The following ZFAND3 variants were observed in gnomAD, a reference collection of about 807,000 sequenced individuals.
ZFAND3 encodes the protein AN1-type zinc finger protein 3.
ZFAND3 carries 10 observed loss-of-function variants against 29.6 expected under a neutral mutation model. The ratio of observed to expected loss-of-function variants is 0.34; its 90% CI spans 0.21 to 0.57. The LOEUF (loss-of-function observed/expected upper bound fraction) is 0.57, where lower values mean the gene tolerates loss of function less well. Ranked by LOEUF, ZFAND3 falls within the 20% of genes least tolerant of loss-of-function variation. ZFAND3 has a pLI of 0.86. For missense variants in ZFAND3, 230 were observed against 304.5 expected, an observed-to-expected ratio of 0.76 and a Z score of 1.82; for synonymous variants, 128 against 112.6, an observed-to-expected ratio of 1.14 and a Z score of -0.87.
intron 1 of ZFAND3, among the ~76,000 whole-genome samples, chr6:37,890,322 TACATGAGTG>T (rs563605460): frequency 1.2e-3 from 187 of 152,304 alleles, no homozygotes; most frequent in Admixed American, 2.2e-3. Context: ...TTGAGATGCT[TACATGAGTG>T]ATCCCCGATT....
chr6:38,007,238 G>A (rs892904725), intron 2 of ZFAND3, among the ~76,000 whole-genome samples: 2 of 152,072 alleles, frequency 1.3e-5, no homozygotes, highest in Non-Finnish European at 2.9e-5. Flanking sequence ...TTCATCACTG[G>A]CTGGATGCTT....
intron 5 of ZFAND3, among the ~76,000 whole-genome samples, chr6:38,136,326 C>T (rs958845189): frequency 8.5e-5 from 13 of 152,176 alleles, no homozygotes; most frequent in African/African-American, 2.4e-4. Flanking sequence ...CTTCCTTGTT[C>T]GTGATCACAG....
chr6:37,825,181 T>G (rs1763736055), intron 1 of ZFAND3, among the ~76,000 whole-genome samples: 1 of 152,184 alleles, frequency 6.6e-6, no homozygotes, highest in African/African-American at 2.4e-5. Context: ...GTCTCCCAAT[T>G]GTAACATGTT....
intron 3 of ZFAND3, among the ~76,000 whole-genome samples, chr6:38,072,152 C>G (rs537132935): frequency 1.8e-4 from 28 of 151,942 alleles, no homozygotes; most frequent in Non-Finnish European, 3.4e-4. Context: ...CTCTCTCTCT[C>G]TCTCTCTCTG....
intron 4 of ZFAND3, among the ~76,000 whole-genome samples, chr6:38,103,374 AAT>A (rs1554181148): frequency 6.8e-6 from 1 of 146,990 alleles, no homozygotes; most frequent in Non-Finnish European, 1.5e-5. Flanking sequence ...ATATACACAC[AAT>A]ATATATATAC....
intron 2 of ZFAND3, among the ~76,000 whole-genome samples, chr6:37,991,998 A>G (rs544700088): frequency 6.6e-6 from 1 of 152,326 alleles, no homozygotes; most frequent in African/African-American, 2.4e-5. Flanking sequence ...ATGTTTGGTA[A>G]TACCTTTAAA....
intron 3 of ZFAND3, among the ~76,000 whole-genome samples, chr6:38,070,992 G>A (rs1009584876): frequency 1.3e-4 from 19 of 151,460 alleles, no homozygotes; most frequent in African/African-American, 4.4e-4. Flanking sequence ...CCAGTGATTT[G>A]CCTATCAGTG....
At chr6:38,118,454 G>A (rs543859146) in intron 5 of ZFAND3, among the ~76,000 whole-genome samples, 6 of 152,204 alleles carry the variant, frequency 3.9e-5, no homozygotes, top group Non-Finnish European at 5.9e-5. Context: ...CTTTTGTAAC[G>A]TAGGCTTTTG....
chr6:38,090,367 C>T (rs1399897630), intron 4 of ZFAND3, among the ~76,000 whole-genome samples: 2 of 151,990 alleles, frequency 1.3e-5, no homozygotes, highest in Non-Finnish European at 2.9e-5. Context: ...TTAATGTAAC[C>T]ATTGAAGAAA....
At chr6:37,836,317 C>T (rs1763967506) in intron 1 of ZFAND3, among the ~76,000 whole-genome samples, 1 of 151,792 alleles carries the variant, frequency 6.6e-6, no homozygotes, top group South Asian at 2.1e-4. Flanking sequence ...TCTTTTGAGA[C>T]CCAGTGGTAT....
intron 2 of ZFAND3, among the ~76,000 whole-genome samples, chr6:37,984,342 T>C (rs1409719830): frequency 1.3e-5 from 2 of 152,178 alleles, no homozygotes; most frequent in African/African-American, 4.8e-5. Flanking sequence ...TGTTAAGAGC[T>C]TTAAAGGTAA....
At chr6:38,123,038 A>G (rs1765564157) in intron 5 of ZFAND3, among the ~76,000 whole-genome samples, 1 of 152,242 alleles carries the variant, frequency 6.6e-6, no homozygotes, top group African/African-American at 2.4e-5. Context: ...ATGTTCGTTT[A>G]TAGTGAGAAG....
At chr6:38,000,524 CAA>C (rs1345448706) in intron 2 of ZFAND3, among the ~76,000 whole-genome samples, 1 of 152,076 alleles carries the variant, frequency 6.6e-6, no homozygotes, top group African/African-American at 2.4e-5. Context: ...TGGTGGCAGG[CAA>C]GAGAGCTCGT....
intron 2 of ZFAND3, among the ~76,000 whole-genome samples, chr6:37,985,527 A>ACACACCCCCC (rs753070737): frequency 2.1e-3 from 300 of 141,712 alleles, no homozygotes; most frequent in Non-Finnish European, 3.4e-3. Context: ...ACACACACAC[A>ACACACCCCCC]CCCCCACACA....
At chr6:37,996,812 A>G (rs1762857025) in intron 2 of ZFAND3, among the ~76,000 whole-genome samples, 1 of 152,128 alleles carries the variant, frequency 6.6e-6, no homozygotes, top group Non-Finnish European at 1.5e-5. Flanking sequence ...GACATTTCCC[A>G]TGTTTCTATT....
At chr6:38,048,458 A>G (rs1033013196) in intron 2 of ZFAND3, among the ~76,000 whole-genome samples, 2 of 151,526 alleles carry the variant, frequency 1.3e-5, no homozygotes, top group Admixed American at 6.6e-5. Flanking sequence ...CGTCTCTACT[A>G]AAAATACAAA....
At chr6:38,120,284 T>C (rs1765505391) in intron 5 of ZFAND3, among the ~76,000 whole-genome samples, 1 of 149,424 alleles carries the variant, frequency 6.7e-6, no homozygotes, top group Non-Finnish European at 1.5e-5. Context: ...CCGTCTTCTC[T>C]GAGCAGATCT....
intron 2 of ZFAND3, chr6:38,003,326 T>C (rs985229790): frequency 3.3e-5 from 5 of 153,412 alleles, no homozygotes; most frequent in African/African-American, 1.2e-4. Flanking sequence ...ATGAAAGCTA[T>C]TCCTGGGATG....
intron 2 of ZFAND3, among the ~76,000 whole-genome samples, chr6:37,954,914 A>G (rs1762059008): frequency 6.6e-6 from 1 of 152,226 alleles, no homozygotes; most frequent in Non-Finnish European, 1.5e-5. Context: ...TTGTGGGAAC[A>G]GGCACATTCC....
Sources: gnomAD v4.1 joint callset for allele counts (sites outside exome capture counted in the v4.1 genomes callset) on GRCh38, gnomAD v4.1.1 for gene constraint, MANE v1.5 for transcripts, NCBI Gene and HGNC (gene_info 2026-07-23, HGNC 2026-07-21) for gene names.